HMCN1: variants seen among roughly 807,000 people sequenced by gnomAD.
HMCN1 encodes the protein hemicentin-1.
A neutral mutation model predicts 625.9 loss-of-function variants in HMCN1; 321 were observed. The observed-to-expected ratio is 0.51, with a 90% CI of 0.47 to 0.56. The LOEUF (loss-of-function observed/expected upper bound fraction) is 0.56, where lower values mean the gene tolerates loss of function less well. HMCN1 is among the 20% of genes least tolerant of loss of function. HMCN1 has a pLI of 0.00. For synonymous variants in HMCN1, 2,425 were observed against 2,417.6 expected (o/e 1.00, Z -0.09); for missense variants, 6,588 against 6,887.3 (o/e 0.96, Z 1.54).
chr1:185,809,532 T>A (rs1340827317), intron 1 of HMCN1, among the ~76,000 whole-genome samples: 1 of 151,708 alleles, frequency 6.6e-6, no homozygotes, highest in Non-Finnish European at 1.5e-5. Flanking sequence ...ATAATTAATA[T>A]TTCTGAAATT....
intron 99 of HMCN1, 87 bp from the exon 100 acceptor site, chr1:186,166,715 TCCTTCA>T: frequency 1.9e-6 from 3 of 1,566,310 alleles, no homozygotes; most frequent in Non-Finnish European, 2.6e-6. Flanking sequence ...GTTTCAAGGG[TCCTTCA>T]CTGCTTTTTG....
In HMCN1 at chr1:186,145,782, T is replaced by C. The variant is rs2102558306; in HGVS notation, c.14467T>C (p.Trp4823Arg). Residue 4823 changes from tryptophan to arginine, a missense_variant, in exon 93 of 107, where the codon TGG becomes CGG. By Grantham distance (101) the Trp-to-Arg change is moderately radical (BLOSUM62 -3). Around this residue, in one of 3 missense-constraint regions of HMCN1, gnomAD observed 1,954 missense variants for 2,013.1 expected, o/e 0.97. Transcript: ENST00000271588. ...VDGSWGSWHS[W>R]SQCSASCGGG... is the part of the protein sequence containing the mutation. Reference sequence around the variant, plus strand: ...TGGAAGTTGGGGAAGCTGGCATAGTTGGAGCCAGTGCTCTGCCTCCTGTGG... The same window carrying C: ...TGGAAGTTGGGGAAGCTGGCATAGTCGGAGCCAGTGCTCTGCCTCCTGTGG... 6.2e-7 allele frequency: 1 copy of C among 1,614,162 alleles called. No homozygotes were observed. Among genetic ancestry groups the C allele is most frequent in the Non-Finnish European group, 8.5e-7 (1 of 1,180,012 alleles).
intron 100 of HMCN1, among the ~76,000 whole-genome samples, chr1:186,170,727 G>A (rs1652173863): frequency 6.6e-6 from 1 of 152,120 alleles, no homozygotes; most frequent in Non-Finnish European, 1.5e-5. Context: ...AGGACTGGAG[G>A]AAAGGAAAGT....
In HMCN1 at chr1:186,101,573, C is replaced by T. The variant is rs185833621; in HGVS notation, c.10574-1899C>T. ...GAGTATAGACAACTCTTACTCTGCC[C>T]GAAGTACAAGACATATGGACAAAAC... On this transcript the variant is annotated intron_variant, in intron 68 of 106. Transcript: ENST00000271588. Among the ~76,000 whole-genome samples the T allele has an allele frequency of 1.9e-3, 282 of 152,028 alleles. 2 individuals are homozygous for T. Among genetic ancestry groups the T allele is most frequent in the South Asian group, 6.9e-3 (33 of 4,808 alleles).
intron 42 of HMCN1, among the ~76,000 whole-genome samples, chr1:186,051,781 C>T (rs920861235): frequency 2.6e-5 from 4 of 151,896 alleles, no homozygotes; most frequent in Non-Finnish European, 5.9e-5. Flanking sequence ...GAAGAATAGG[C>T]AGCTGGATAG....
chr1:186,027,038 G>A (rs962905428), intron 36 of HMCN1, among the ~76,000 whole-genome samples: 1 of 152,142 alleles, frequency 6.6e-6, no homozygotes, highest in African/African-American at 2.4e-5. Flanking sequence ...AAAATATTCA[G>A]TGTTTCAATT....
In HMCN1 at chr1:186,128,256, A is replaced by G. The variant is rs1661744958; in HGVS notation, c.12869A>G (p.Lys4290Arg). 1 of 1,613,352 alleles carries G rather than the reference A, an allele frequency of 6.2e-7. No homozygotes were observed. The highest frequency in any genetic ancestry group is 8.5e-7 in the Non-Finnish European group (1 of 1,179,618). The change falls in exon 83 of 107, where the codon AAA (lysine) becomes AGA (arginine). Residue 4290 changes from lysine (K) to arginine (R), a missense_variant. Coordinates refer to ENST00000271588, the MANE Select transcript of HMCN1 (RefSeq NM_031935.3). ...AAAGCTACTGGTATTCCATTGCCCA[A>G]ATTAACATGGACCTTCAATAACAAT... ...SCKATGIPLP[K>R]LTWTFNNNII...
chr1:186,146,002 C>A, intron 93 of HMCN1, 79 bp downstream of exon 93: 8 of 1,359,212 alleles, frequency 5.9e-6, no homozygotes, highest in Non-Finnish European at 7.2e-6. Flanking sequence ...AATTACAAAA[C>A]AATGCCAACC....
chr1:185,968,896 G>T (rs1267353470), intron 14 of HMCN1, among the ~76,000 whole-genome samples: 1 of 152,030 alleles, frequency 6.6e-6, no homozygotes, highest in African/African-American at 2.4e-5. Context: ...AATCAAGAAA[G>T]GAGAATCTAT....
intron 71 of HMCN1, among the ~76,000 whole-genome samples, chr1:186,109,409 T>G (rs2102459751): frequency 6.6e-6 from 1 of 152,302 alleles, no homozygotes. Context: ...CCTCCAGTAC[T>G]TCAGTTTCTC....
At chr1:185,798,979 C>A (rs6679816) in intron 1 of HMCN1, among the ~76,000 whole-genome samples, 2 of 152,116 alleles carry the variant, frequency 1.3e-5, no homozygotes, top group South Asian at 2.1e-4. Context: ...TCTTTGGTTC[C>A]TAATCATATG....
chr1:185,931,502 A>G (rs1029616643), intron 10 of HMCN1, among the ~76,000 whole-genome samples: 3 of 152,122 alleles, frequency 2.0e-5, no homozygotes, highest in African/African-American at 7.2e-5. Context: ...ATTATTTCAA[A>G]TCTCATCCGC....
chr1:185,820,142 T>C (rs1383127942), intron 1 of HMCN1, among the ~76,000 whole-genome samples: 1 of 152,170 alleles, frequency 6.6e-6, no homozygotes, highest in Non-Finnish European at 1.5e-5. Context: ...TCTAAATATG[T>C]TTTTCATAAG....
chr1:186,174,242 G>A (rs1307963304), intron 102 of HMCN1, among the ~76,000 whole-genome samples: 2 of 152,140 alleles, frequency 1.3e-5, no homozygotes, highest in African/African-American at 4.8e-5. Context: ...GATGGCAAAA[G>A]GAGGAAGGGA....
intron 86 of HMCN1, among the ~76,000 whole-genome samples, chr1:186,135,840 A>G (rs1649564807): frequency 6.6e-6 from 1 of 152,166 alleles, no homozygotes; most frequent in Non-Finnish European, 1.5e-5. Flanking sequence ...CCATATTAGT[A>G]CACGTTAGTT....
intron 30 of HMCN1, among the ~76,000 whole-genome samples, chr1:186,008,575 T>C (rs1384030196): frequency 1.3e-5 from 2 of 152,126 alleles, no homozygotes; most frequent in African/African-American, 4.8e-5. Flanking sequence ...GAGTAATTAA[T>C]AAGAGTTTGT....
rs1158564672 is a variant in HMCN1, at chr1:185,977,960, A to C, written c.2545A>C (p.Thr849Pro). The part of the protein sequence containing the change: ...FSVSSISQLR[T>P]GALFILNLWA... ...AGTTAGTTCCATCAGCCAACTAAGAACAGGAGCTCTCTTTATTTTAAGTAG... is the reference window on the plus strand; with the variant it reads ...AGTTAGTTCCATCAGCCAACTAAGACCAGGAGCTCTCTTTATTTTAAGTAG... Residue 849 changes from threonine to proline, a missense_variant, in exon 16 of 107, where the codon ACA (threonine) becomes CCA (proline). Physicochemically the swap from Thr to Pro is conservative, Grantham distance 38. Around this residue, in one of 3 missense-constraint regions of HMCN1, gnomAD observed 4,628 missense variants for 4,853.1 expected, o/e 0.95. Coordinates refer to ENST00000271588, the MANE Select transcript of HMCN1 (RefSeq NM_031935.3). 1 of 1,612,468 alleles carries C rather than the reference A, an allele frequency of 6.2e-7. No homozygotes were observed. Among genetic ancestry groups the C allele is most frequent in the Non-Finnish European group, 8.5e-7 (1 of 1,178,730 alleles).
At chr1:185,965,940 T>A (rs1339696126) in intron 14 of HMCN1, 25 bp downstream of exon 14, 5 of 1,259,144 alleles carry the variant, frequency 4.0e-6, no homozygotes, top group African/African-American at 1.5e-5. Flanking sequence ...TATGTTTGTG[T>A]CTGGTTCACT....
In HMCN1 at chr1:186,144,340, C is replaced by T. The variant is rs1427544770; in HGVS notation, c.14092C>T (p.Pro4698Ser). 9.3e-6 allele frequency: 15 copies of T among 1,613,126 alleles called. No individual in the cohort carries two copies. Among genetic ancestry groups the T allele is most frequent in the Non-Finnish European group, 1.3e-5 (15 of 1,179,872 alleles). ...QMQVCNERNC[P>S]IHGKWATWAS... ...GCAAGTTTGCAATGAAAGAAATTGT[C>T]CAAGTAAGAGAAATACACTGTTTAT... Residue 4698 changes from proline to serine, a missense_variant, in exon 90 of 107, where the codon CCA (proline) becomes TCA (serine). Physicochemically the swap from Pro to Ser is moderately conservative, Grantham distance 74. This residue lies in a region of HMCN1 where 1,954 missense variants were observed against 2,013.1 expected (regional missense o/e 0.97). Coordinates refer to ENST00000271588, the MANE Select transcript of HMCN1 (RefSeq NM_031935.3).
Sources: allele counts gnomAD v4.1 joint callset (sites outside exome capture counted in the v4.1 genomes callset), GRCh38; gene constraint gnomAD v4.1.1; regional missense constraint gnomAD v4.1.1; transcripts MANE v1.5; gene names NCBI Gene and HGNC (gene_info 2026-07-23, HGNC 2026-07-21).